Variants in EMCN observed in about 807,000 individuals in gnomAD.
The protein encoded by EMCN is MUC-14.
A neutral mutation model predicts 38.4 loss-of-function variants in EMCN; 37 were observed. The ratio of observed to expected loss-of-function variants is 0.96; its 90% CI spans 0.74 to 1.27. EMCN has a LOEUF of 1.27. Among genes scored for constraint, EMCN ranks in the 50% most tolerant of loss-of-function variants. EMCN has a pLI of 0.00. For missense variants in EMCN, 318 were observed against 302.8 expected, an observed-to-expected ratio of 1.05 and a Z score of -0.37; for synonymous variants, 95 against 100.8, an observed-to-expected ratio of 0.94 and a Z score of 0.35.
chr4:100,401,149 T>G (rs1726246847), intron 11 of EMCN, among the ~76,000 whole-genome samples: 1 of 152,100 alleles, frequency 6.6e-6, no homozygotes, highest in African/African-American at 2.4e-5. Flanking sequence ...GTGTAGAGCA[T>G]TATTAAGAAA....
At chr4:100,454,193 AAAT>A (rs929315890) in intron 4 of EMCN, among the ~76,000 whole-genome samples, 1 of 151,736 alleles carries the variant, frequency 6.6e-6, no homozygotes, top group Non-Finnish European at 1.5e-5. Context: ...AAAATTAAAA[AAAT>A]AAAAAAGAGT....
chr4:100,452,172 A>T (rs931366505), intron 4 of EMCN, among the ~76,000 whole-genome samples: 5 of 152,078 alleles, frequency 3.3e-5, no homozygotes, highest in Admixed American at 2.0e-4. Context: ...CTAGTAGCTT[A>T]TCTAAAATGC....
rs1475866677 is a variant in EMCN, at chr4:100,479,837, A to AT, written c.187+79dup. 7.6e-6 allele frequency: 9 copies of AT among 1,188,120 alleles called. No individual in the cohort carries two copies. In the African/African-American group the frequency reaches 9.8e-5, roughly 13 times the overall value. 73.6% of individuals were successfully genotyped at this position (1,188,120 alleles called of 1,614,324 possible). ...ACAATCAGATATAAGATCCCGAATT[A>AT]TTTTTTCATACTGATGTATATACAT... On this transcript the variant is annotated intron_variant, in intron 2 of 11. Transcript: ENST00000296420.
intron 8 of EMCN, among the ~76,000 whole-genome samples, chr4:100,417,746 G>T (rs941386258): frequency 6.6e-6 from 1 of 152,154 alleles, no homozygotes; most frequent in Admixed American, 6.6e-5. Flanking sequence ...AACACCTGGG[G>T]TTTAGAGTGA....
rs1473727201 is a variant in EMCN, at chr4:100,517,907, A to G, written c.8T>C (p.Leu3Pro). The G allele has an allele frequency of 2.5e-6, 4 of 1,612,676 alleles. No homozygotes were observed. The highest frequency in any genetic ancestry group is 2.5e-6 in the Non-Finnish European group (3 of 1,178,946). The change falls in exon 1 of 12, where the codon CTG becomes CCG. Residue 3 changes from leucine to proline, a missense_variant. By Grantham distance (98) the Leu-to-Pro change is moderately conservative (BLOSUM62 -3). Transcript: ENST00000296420. The part of the protein sequence containing the change: ME[L>P]LQVTILFLLP... The stretch of plus-strand genomic sequence containing the variant: ...AAGAAAAAGAATGGTCACTTGAAGC[A>G]GTTCCATGGTGCCCGTAGATGGTGT...
At chr4:100,491,137 T>C (rs1439717122) in intron 1 of EMCN, among the ~76,000 whole-genome samples, 1 of 152,182 alleles carries the variant, frequency 6.6e-6, no homozygotes, top group Non-Finnish European at 1.5e-5. Flanking sequence ...TTTCCTTTGA[T>C]GTATAGGGCT....
At chr4:100,425,195 C>T (rs954575055) in intron 5 of EMCN, among the ~76,000 whole-genome samples, 2 of 94,148 alleles carry the variant, frequency 2.1e-5, no homozygotes, top group African/African-American at 9.7e-5. Context: ...AATTACTGCT[C>T]ATGATCCAAT....
At chr4:100,516,812 T>C (rs1729770897) in intron 1 of EMCN, among the ~76,000 whole-genome samples, 1 of 152,100 alleles carries the variant, frequency 6.6e-6, no homozygotes, top group Non-Finnish European at 1.5e-5. Flanking sequence ...CAGTAATCTT[T>C]TAAATTGAGA....
intron 1 of EMCN, among the ~76,000 whole-genome samples, chr4:100,507,506 A>G (rs1166030744): frequency 6.6e-6 from 1 of 152,194 alleles, no homozygotes; most frequent in Non-Finnish European, 1.5e-5. Flanking sequence ...CACACTGCAC[A>G]TTGAGTGGAT....
chr4:100,477,806 T>C (rs1184416359), intron 2 of EMCN, among the ~76,000 whole-genome samples: 1 of 152,140 alleles, frequency 6.6e-6, no homozygotes, highest in Admixed American at 6.5e-5. Context: ...TTTTTTTGTA[T>C]TATTGAGTAA....
intron 5 of EMCN, among the ~76,000 whole-genome samples, chr4:100,432,205 G>C (rs1382021853): frequency 1.3e-5 from 2 of 152,040 alleles, no homozygotes; most frequent in Non-Finnish European, 2.9e-5. Context: ...TGAGTAGGTA[G>C]AATAATCTGG....
Position 100,421,376 on chromosome 4 carries a change from A to G in EMCN, c.570T>C (p.Ser190=), listed in dbSNP as rs1429408565. The part of the protein sequence containing the change: ...STSATSRSYS[S]IILPVVIALI... Reference sequence around the variant, plus strand: ...AAGCAATAACCACCGGCAAAATAATACCTAAAAAGAATTGGAGACATTGTC... The same window carrying G: ...AAGCAATAACCACCGGCAAAATAATGCCTAAAAAGAATTGGAGACATTGTC... Residue 190 remains serine, a splice_region_variant and synonymous_variant, in exon 8 of 12, where the codon AGT becomes AGC. Transcript: ENST00000296420. 2 of 1,610,662 alleles carry G rather than the reference A, an allele frequency of 1.2e-6. No homozygotes were observed. The highest frequency in any genetic ancestry group is 2.2e-5 in the South Asian group (2 of 90,880).
At chr4:100,457,204 G>T (rs1277158609) in intron 4 of EMCN, among the ~76,000 whole-genome samples, 3 of 99,552 alleles carry the variant, frequency 3.0e-5, no homozygotes, top group African/African-American at 1.2e-4. Flanking sequence ...GTGTGTGTGT[G>T]TGTGTGTGTG....
At chr4:100,442,359 C>T (rs1114130) in intron 5 of EMCN, among the ~76,000 whole-genome samples, 61,850 of 152,000 alleles carry the variant, frequency 0.41, 13,411 homozygotes, top group East Asian at 0.77. Flanking sequence ...TTATAATGTG[C>T]CTTAGAGAGG....
At chr4:100,486,945 T>C (rs538705811) in intron 1 of EMCN, 1 of 985,276 alleles carries the variant, frequency 1.0e-6, no homozygotes, top group Non-Finnish European at 1.2e-6. Flanking sequence ...TGTTCCATAG[T>C]AATGAGATAT....
At chr4:100,515,158 A>G (rs1340717711) in intron 1 of EMCN, among the ~76,000 whole-genome samples, 1 of 152,140 alleles carries the variant, frequency 6.6e-6, no homozygotes, top group East Asian at 1.9e-4. Context: ...TTCCCAAGTT[A>G]AGGCAAATTT....
chr4:100,405,152 A>G (rs1016195173), intron 11 of EMCN, among the ~76,000 whole-genome samples: 4 of 152,010 alleles, frequency 2.6e-5, no homozygotes, highest in East Asian at 1.9e-4. Flanking sequence ...GAAACATATA[A>G]TCTATGAAGA....
chr4:100,439,670 TG>T (rs1727456318), intron 5 of EMCN, among the ~76,000 whole-genome samples: 1 of 151,764 alleles, frequency 6.6e-6, no homozygotes. Context: ...TCTGCTAATT[TG>T]GGGTTTAATT....
At chr4:100,506,667 TA>T (rs2110306324) in intron 1 of EMCN, among the ~76,000 whole-genome samples, 1 of 152,306 alleles carries the variant, frequency 6.6e-6, no homozygotes, top group South Asian at 2.1e-4. Flanking sequence ...TGTAAATATT[TA>T]TATGGTCATA....
Sources: gnomAD v4.1 joint callset for allele counts (sites outside exome capture counted in the v4.1 genomes callset) on GRCh38, gnomAD v4.1.1 for gene constraint, MANE v1.5 for transcripts, NCBI Gene and HGNC (gene_info 2026-07-23, HGNC 2026-07-21) for gene names.